The following FOXN3 variants were observed in gnomAD, a reference collection of about 807,000 sequenced individuals.
FOXN3 encodes forkhead box N3.
FOXN3 carries 7 observed loss-of-function variants against 38.4 expected under a neutral mutation model. The observed-to-expected ratio is 0.18, with a 90% confidence interval of 0.10 to 0.34. The LOEUF is 0.34. FOXN3 is among the 10% of genes least tolerant of loss of function. The probability of loss-of-function intolerance (pLI) is 1.00; values close to 1 mark genes in which losing one functional copy is unlikely to be tolerated. For missense variants in FOXN3, 456 were observed against 613.4 expected (o/e 0.74, Z 2.71); for synonymous variants, 230 against 242.2 (o/e 0.95, Z 0.47).
intron 3 of FOXN3, among the ~76,000 whole-genome samples, chr14:89,337,330 T>C (rs1455302167): frequency 6.6e-6 from 1 of 152,166 alleles, no homozygotes; most frequent in Non-Finnish European, 1.5e-5. Context: ...GGCTTTGTTC[T>C]CATCAAAGAA....
intron 1 of FOXN3, among the ~76,000 whole-genome samples, chr14:89,457,754 T>C (rs1338222368): frequency 6.6e-6 from 1 of 152,138 alleles, no homozygotes; most frequent in Non-Finnish European, 1.5e-5. Context: ...GGCTCATGCC[T>C]GTAATCCCAG....
chr14:89,557,210 G>A (rs1199925371), intron 1 of FOXN3, among the ~76,000 whole-genome samples: 3 of 152,144 alleles, frequency 2.0e-5, no homozygotes, highest in Non-Finnish European at 4.4e-5. Context: ...AAAAGGTGCC[G>A]ATTTCATCCT....
Position 89,291,453 on chromosome 14 carries a change from C to T in FOXN3, c.681-10439G>A, listed in dbSNP as rs1886868814. On this transcript the variant is annotated intron_variant, in intron 3 of 5. Coordinates refer to ENST00000557258, the MANE Select transcript of FOXN3 (RefSeq NM_005197.4). ...ATGCTGTTCATCAGCTTATCAAAGGCTTCCACGGAGGGTGCCACACCTCCA... is the reference window on the plus strand; with the variant it reads ...ATGCTGTTCATCAGCTTATCAAAGGTTTCCACGGAGGGTGCCACACCTCCA... 5 of 609,704 alleles carry T rather than the reference C, an allele frequency of 8.2e-6. No homozygotes were observed. The East Asian group carries it at 1.7e-4, about 21-fold the overall frequency. 37.8% of individuals were successfully genotyped at this position (609,704 alleles called of 1,614,324 possible).
chr14:89,568,536 C>T (rs1387724964), intron 1 of FOXN3, among the ~76,000 whole-genome samples: 2 of 152,230 alleles, frequency 1.3e-5, no homozygotes, highest in Non-Finnish European at 2.9e-5. Flanking sequence ...GCACAGTGAA[C>T]TCCTTCGGGA....
At chr14:89,224,592 C>T (rs985570138) in intron 4 of FOXN3, among the ~76,000 whole-genome samples, 2 of 152,146 alleles carry the variant, frequency 1.3e-5, no homozygotes, top group Non-Finnish European at 2.9e-5. Flanking sequence ...CTATACCAGG[C>T]ACAACTGGGT....
At chr14:89,180,948 GCA>G (rs1373861475) in intron 4 of FOXN3, 142 bp from the exon 5 acceptor site, 4 of 493,908 alleles carry the variant, frequency 8.1e-6, no homozygotes, top group Non-Finnish European at 1.4e-5. Flanking sequence ...ACACACACGT[GCA>G]CATACACACA....
chr14:89,190,589 G>A (rs1378264116), intron 4 of FOXN3: 8 of 605,376 alleles, frequency 1.3e-5, no homozygotes, highest in African/African-American at 3.7e-5. Context: ...TCCCAAAGGC[G>A]ACTTTCTTCC....
chr14:89,283,506 A>T (rs1474881949), intron 3 of FOXN3, among the ~76,000 whole-genome samples: 1 of 152,200 alleles, frequency 6.6e-6, no homozygotes, highest in African/African-American at 2.4e-5. Flanking sequence ...AGTACATGAA[A>T]TTACTTAGAA....
intron 1 of FOXN3, among the ~76,000 whole-genome samples, chr14:89,608,372 C>G (rs939555994): frequency 3.3e-5 from 5 of 152,260 alleles, no homozygotes; most frequent in African/African-American, 1.2e-4. Flanking sequence ...GATCTCCTGA[C>G]CTCGTGATCT....
chr14:89,516,527 C>T (rs759503835), intron 1 of FOXN3, among the ~76,000 whole-genome samples: 1 of 150,576 alleles, frequency 6.6e-6, no homozygotes, highest in African/African-American at 2.4e-5. Context: ...TGCAAAGTTC[C>T]GTGCTAGGCA....
chr14:89,586,576 T>C (rs1895846743), intron 1 of FOXN3, among the ~76,000 whole-genome samples: 1 of 152,242 alleles, frequency 6.6e-6, no homozygotes, highest in Non-Finnish European at 1.5e-5. Flanking sequence ...GTGTATGTTA[T>C]CTGAAGTAGA....
At chr14:89,325,021 A>G (rs1459025525) in intron 3 of FOXN3, among the ~76,000 whole-genome samples, 1 of 152,158 alleles carries the variant, frequency 6.6e-6, no homozygotes, top group Non-Finnish European at 1.5e-5. Context: ...GATTAGTTAC[A>G]TGAAGACTAA....
intron 1 of FOXN3, among the ~76,000 whole-genome samples, chr14:89,607,558 TAA>T (rs754121458): frequency 4.8e-4 from 59 of 121,910 alleles, no homozygotes; most frequent in Admixed American, 1.1e-3. Context: ...GACCGTGTCT[TAA>T]AAAAAAAAAA....
chr14:89,530,147 T>A (rs7142974), intron 1 of FOXN3, among the ~76,000 whole-genome samples: 36,479 of 151,804 alleles, frequency 0.24, 4,508 homozygotes, highest in Middle Eastern at 0.28. Context: ...ATCATGTTGG[T>A]CAGGCTGGTC....
chr14:89,506,051 G>T (rs1244843850), intron 1 of FOXN3, among the ~76,000 whole-genome samples: 1 of 143,948 alleles, frequency 6.9e-6, no homozygotes, highest in Non-Finnish European at 1.5e-5. Context: ...CCGGCCAGCC[G>T]CCCCGTCCAG....
chr14:89,381,010 C>T (rs559476837), intron 2 of FOXN3, among the ~76,000 whole-genome samples: 15 of 151,888 alleles, frequency 9.9e-5, no homozygotes, highest in African/African-American at 2.9e-4. Flanking sequence ...GGTGTGGTGG[C>T]GTGTGCCCAT....
chr14:89,176,628 T>C (rs1250618022), intron 5 of FOXN3, among the ~76,000 whole-genome samples: 1 of 152,266 alleles, frequency 6.6e-6, no homozygotes, highest in Non-Finnish European at 1.5e-5. Flanking sequence ...GCTTTCCTTT[T>C]TAGCCTTGGC....
chr14:89,398,981 T>C (rs1406760964), intron 2 of FOXN3, among the ~76,000 whole-genome samples: 1 of 152,232 alleles, frequency 6.6e-6, no homozygotes, highest in Non-Finnish European at 1.5e-5. Flanking sequence ...TAAAACTTCA[T>C]CTCAAATCAG....
At chr14:89,454,379 C>T (rs905734735) in intron 1 of FOXN3, among the ~76,000 whole-genome samples, 1 of 152,140 alleles carries the variant, frequency 6.6e-6, no homozygotes, top group East Asian at 1.9e-4. Context: ...AGCAAAATGG[C>T]CAGCACTTTA....
Sources: allele counts gnomAD v4.1 joint callset (sites outside exome capture counted in the v4.1 genomes callset), GRCh38; gene constraint gnomAD v4.1.1; transcripts MANE v1.5; gene names NCBI Gene and HGNC (gene_info 2026-07-23, HGNC 2026-07-21).